The following GCFC2 variants were observed in gnomAD, a reference collection of about 807,000 sequenced individuals.
The protein encoded by GCFC2 is GC-rich sequence DNA-binding factor 2.
GCFC2 carries 102 observed loss-of-function variants against 99.4 expected under a neutral mutation model. The observed-to-expected ratio is 1.03, with a 90% CI of 0.87 to 1.21. The LOEUF (loss-of-function observed/expected upper bound fraction) is 1.21. GCFC2 is among the 50% of genes most tolerant of loss of function. The pLI is 0.00. For missense variants in GCFC2, 973 were observed against 920.9 expected (o/e 1.06, Z -0.73); for synonymous variants, 338 against 316.8 (o/e 1.07, Z -0.71).
chr2:75,705,696 T>G lies in GCFC2; in HGVS notation c.394+827A>C, dbSNP rs115134427. ...CGTCATAAAATATATTTTAATAATTTTATTTCAATATAATTTGTTTCCTCT... is the reference window on the plus strand; with the variant it reads ...CGTCATAAAATATATTTTAATAATTGTATTTCAATATAATTTGTTTCCTCT... On this transcript the variant is annotated intron_variant, in intron 2 of 16. Coordinates refer to ENST00000321027, the MANE Select transcript of GCFC2 (RefSeq NM_003203.5). Among the ~76,000 whole-genome samples, 286 of 152,086 alleles carry G rather than the reference T, an allele frequency of 1.9e-3. 1 individual carries two copies. The highest frequency in any genetic ancestry group is 6.8e-3 in the Middle Eastern group (2 of 294).
rs1429743595 is a variant in GCFC2 at position 75,687,810 on chromosome 2, A to C, written c.1690+17T>G. On this transcript the variant is annotated intron_variant, in intron 11 of 16. Coordinates refer to ENST00000321027, the MANE Select transcript of GCFC2 (RefSeq NM_003203.5). ...GTCAGAAAATAATTTAATTTTACCA[A>C]GGTTACGAAGCAGTACCTGTAAGTC... is the stretch of plus-strand genomic sequence containing the variant. 5 of 1,578,224 alleles carry C rather than the reference A, an allele frequency of 3.2e-6. No homozygotes were observed. The highest frequency in any genetic ancestry group is 4.3e-6 in the Non-Finnish European group (5 of 1,161,118).
In GCFC2 at chr2:75,687,215, C is replaced by T. The variant is rs186653238; in HGVS notation, c.1690+612G>A. On this transcript the variant is annotated intron_variant, in intron 11 of 16. Coordinates refer to ENST00000321027, the MANE Select transcript of GCFC2 (RefSeq NM_003203.5). Reference sequence around the variant, plus strand: ...CCTCCTAAAGTTCCAGGATTACAGGCATGAACCACCACTCCCAGATGAAGC... The same window carrying T: ...CCTCCTAAAGTTCCAGGATTACAGGTATGAACCACCACTCCCAGATGAAGC... 1.7e-3 allele frequency among the ~76,000 whole-genome samples: 256 copies of T among 152,198 alleles called. 4 individuals are homozygous for T. The highest frequency in any genetic ancestry group is 4.0e-4 in the Non-Finnish European group (27 of 68,018).
At chr2:75,691,683 G>A (rs1680078527) in intron 7 of GCFC2, among the ~76,000 whole-genome samples, 1 of 152,140 alleles carries the variant, frequency 6.6e-6, no homozygotes, top group African/African-American at 2.4e-5. Flanking sequence ...TTAGACTTCT[G>A]ACAGAGCCTC....
At chr2:75,706,769 TTAAAG>T (rs1680889331) in intron 1 of GCFC2, 118 bp from the exon 2 acceptor site, 1 of 572,490 alleles carries the variant, frequency 1.7e-6, no homozygotes, top group Non-Finnish European at 2.9e-6. Context: ...AGTCCATATA[TTAAAG>T]TAGACATATT....
Position 75,680,232 on chromosome 2 carries a change from T to C in GCFC2, c.1773A>G (p.Glu591=). 4 of 1,607,108 alleles carry C rather than the reference T, an allele frequency of 2.5e-6. No individual in the cohort carries two copies. Among genetic ancestry groups the C allele is most frequent in the Non-Finnish European group, 2.6e-6 (3 of 1,173,964 alleles). ...LITHCRVILE[E]HSTCENEVSK... Reference sequence around the variant, plus strand: ...TAACTTCATTTTCACAAGTGGAATGTTCTTCAAGAATCACTCTGCAATGTG... The same window carrying C: ...TAACTTCATTTTCACAAGTGGAATGCTCTTCAAGAATCACTCTGCAATGTG... Residue 591 remains glutamate (E), a synonymous_variant, in exon 12 of 17, where the codon GAA becomes GAG. Transcript: ENST00000321027.
At position 75,710,866 on chromosome 2, in the gene GCFC2, C is replaced by A; in HGVS notation, c.-11G>T. ...CGGCCTGTGAGCCATGGCCGAGGCC[C>A]GAGCGCCCGGCGCCCTAGAACCCGC... On this transcript the variant is annotated 5_prime_UTR_variant, in exon 1 of 17. Coordinates refer to ENST00000321027, the MANE Select transcript of GCFC2 (RefSeq NM_003203.5). 6.5e-7 allele frequency: 1 copy of A among 1,540,216 alleles called. No individual in the cohort carries two copies. The highest frequency in any genetic ancestry group is 8.7e-7 in the Non-Finnish European group (1 of 1,149,996).
intron 2 of GCFC2, among the ~76,000 whole-genome samples, chr2:75,702,720 G>A (rs1290274741): frequency 6.6e-6 from 1 of 152,108 alleles, no homozygotes; most frequent in African/African-American, 2.4e-5. Flanking sequence ...TTGTTGAGGG[G>A]TCGCTATTTC....
chr2:75,676,284 A>T (rs1024202679), intron 12 of GCFC2, among the ~76,000 whole-genome samples: 2 of 152,196 alleles, frequency 1.3e-5, no homozygotes, highest in East Asian at 3.8e-4. Flanking sequence ...ATAGGGGATC[A>T]TTATCTCCTG....
At chr2:75,703,546 T>C (rs1315851064) in intron 2 of GCFC2, among the ~76,000 whole-genome samples, 2 of 152,314 alleles carry the variant, frequency 1.3e-5, no homozygotes, top group South Asian at 2.1e-4. Flanking sequence ...CAAGAACAAG[T>C]AATAGAAAAT....
At chr2:75,689,711 T>C (rs1421705601) in intron 9 of GCFC2, among the ~76,000 whole-genome samples, 1 of 152,108 alleles carries the variant, frequency 6.6e-6, no homozygotes, top group Non-Finnish European at 1.5e-5. Context: ...AGAAATGAAA[T>C]GAAGATGTTC....
Position 75,694,380 on chromosome 2 carries a change from T to A in GCFC2, c.881A>T (p.Glu294Val), listed in dbSNP as rs1426336034. The change falls in exon 6 of 17, where the codon GAA becomes GTA. Residue 294 changes from glutamate to valine, a missense_variant. Coordinates refer to ENST00000321027, the MANE Select transcript of GCFC2 (RefSeq NM_003203.5). ...GCTTTTGACATCTTGTACGTATTTTTCATACTCCCTCAGGTGTGAGCGGTG... is the reference window on the plus strand; with the variant it reads ...GCTTTTGACATCTTGTACGTATTTTACATACTCCCTCAGGTGTGAGCGGTG... The part of the protein sequence containing the change: ...ETHRSHLREY[E>V]KYVQDVKSSK... The A allele has an allele frequency of 1.3e-6, 2 of 1,533,154 alleles. No homozygotes were observed. The highest frequency in any genetic ancestry group is 1.8e-6 in the Non-Finnish European group (2 of 1,125,846). The allele number at this position is 1,533,154 out of a possible 1,614,324, so 95.0% of individuals were successfully genotyped here.
intron 11 of GCFC2, among the ~76,000 whole-genome samples, chr2:75,686,588 T>C (rs1679826808): frequency 6.6e-6 from 1 of 152,020 alleles, no homozygotes; most frequent in South Asian, 2.1e-4. Context: ...AAAAAATCTT[T>C]TAAAAATTAG....
intron 16 of GCFC2, 81 bp downstream of exon 16, chr2:75,665,848 T>TA (rs1241635023): frequency 1.2e-6 from 1 of 869,544 alleles, no homozygotes; most frequent in African/African-American, 1.7e-5. Context: ...ACAGTAAAAA[T>TA]ACAAATCTTT....
chr2:75,684,749 A>G (rs1472587775), intron 11 of GCFC2, among the ~76,000 whole-genome samples: 1 of 152,242 alleles, frequency 6.6e-6, no homozygotes, highest in African/African-American at 2.4e-5. Context: ...ATAAAGACAC[A>G]TGCACATGTA....
chr2:75,668,610 C>G (rs954494114), intron 15 of GCFC2, among the ~76,000 whole-genome samples: 5 of 152,190 alleles, frequency 3.3e-5, no homozygotes, highest in African/African-American at 1.2e-4. Flanking sequence ...CTTTTGTGAA[C>G]CCAAAAGTAT....
At chr2:75,692,557 G>A (rs533188833) in intron 6 of GCFC2, among the ~76,000 whole-genome samples, 1 of 151,972 alleles carries the variant, frequency 6.6e-6, no homozygotes, top group Admixed American at 6.5e-5. Context: ...TGAGGCAGGA[G>A]AATCGCTTGA....
At chr2:75,709,033 G>A (rs1268458431) in intron 1 of GCFC2, among the ~76,000 whole-genome samples, 1 of 152,146 alleles carries the variant, frequency 6.6e-6, no homozygotes, top group Non-Finnish European at 1.5e-5. Flanking sequence ...TATTTTGCCA[G>A]ACATTAAAGA....
rs201329940 is a variant in GCFC2, at chr2:75,710,871, G to A, written c.-16C>T. 1,836 of 1,535,322 alleles carry A rather than the reference G, an allele frequency of 1.2e-3. 14 individuals carry two copies. The African/African-American group carries it at 0.024, about 20-fold the overall frequency. On this transcript the variant is annotated 5_prime_UTR_variant, in exon 1 of 17. Coordinates refer to ENST00000321027, the MANE Select transcript of GCFC2 (RefSeq NM_003203.5). ...TGTGAGCCATGGCCGAGGCCCGAGCGCCCGGCGCCCTAGAACCCGCTGAAC... is the reference window on the plus strand; with the variant it reads ...TGTGAGCCATGGCCGAGGCCCGAGCACCCGGCGCCCTAGAACCCGCTGAAC...
intron 11 of GCFC2, among the ~76,000 whole-genome samples, chr2:75,682,798 T>C (rs1275328694): frequency 6.6e-6 from 1 of 151,834 alleles, no homozygotes; most frequent in East Asian, 1.9e-4. Flanking sequence ...TCGTGAAGCA[T>C]ACACAGGTAT....
Sources: gnomAD v4.1 joint callset for allele counts (sites outside exome capture counted in the v4.1 genomes callset) on GRCh38, gnomAD v4.1.1 for gene constraint, MANE v1.5 for transcripts, NCBI Gene and HGNC (gene_info 2026-07-23, HGNC 2026-07-21) for gene names.